KLF7: variants seen among roughly 807,000 people sequenced by gnomAD.
KLF7 encodes the protein Krueppel-like factor 7.
In KLF7, 2 loss-of-function variants were observed where a neutral mutation model predicts 27.3. The ratio of observed to expected loss-of-function variants is 0.07; its 90% CI spans 0.03 to 0.23. The LOEUF is 0.23. KLF7 is among the 10% of genes least tolerant of loss of function. The probability of loss-of-function intolerance (pLI) is 1.00; values close to 1 mark genes in which losing one functional copy is unlikely to be tolerated. For synonymous variants in KLF7, 165 were observed against 162.4 expected (o/e 1.02, Z -0.12); for missense variants, 221 against 394.1 (o/e 0.56, Z 3.72).
chr2:207,080,423 C>T lies in KLF7; in HGVS notation c.*790G>A, dbSNP rs2076246811. The T allele has an allele frequency of 6.2e-6, 1 of 160,678 alleles. No homozygotes were observed. The highest frequency in any genetic ancestry group is 2.0e-4 in the South Asian group (1 of 4,898). 10.0% of individuals were successfully genotyped at this position (160,678 alleles called of 1,614,324 possible). On this transcript the variant is annotated 3_prime_UTR_variant, in exon 4 of 4. Coordinates refer to ENST00000309446, the MANE Select transcript of KLF7 (RefSeq NM_003709.4). ...AGTCATGCTAGAAGTTTCCAGAATC[C>T]CTAGTGCATATGGTGTGCAAAAGTC...
At chr2:207,143,987 T>C (rs2078020737) in intron 1 of KLF7, among the ~76,000 whole-genome samples, 1 of 152,108 alleles carries the variant, frequency 6.6e-6, no homozygotes, top group African/African-American at 2.4e-5. Context: ...CTTCGCTCTC[T>C]GCCTTGGTGG....
intron 1 of KLF7, among the ~76,000 whole-genome samples, 180 bp from the exon 2 acceptor site, chr2:207,124,584 T>C (rs932211252): frequency 1.3e-5 from 2 of 152,158 alleles, no homozygotes; most frequent in African/African-American, 4.8e-5. Flanking sequence ...GAAAGGTTCA[T>C]AAGGGTCACA....
chr2:207,166,222 C>A, upstream of KLF7: 1 of 979,850 alleles, frequency 1.0e-6, no homozygotes, highest in African/African-American at 1.7e-5. Context: ...CATGAAGTCA[C>A]TGAGGACCAA....
chr2:207,151,834 G>A lies in KLF7; in HGVS notation c.102+13633C>T, dbSNP rs565771463. ...AAAGTAATCGGAGATTGGAAAAATG[G>A]AGGAACACCCAGCAGCAAGTAATTT... On this transcript the variant is annotated intron_variant, in intron 1 of 3. Transcript: ENST00000309446. Among the ~76,000 whole-genome samples the A allele has an allele frequency of 3.9e-5, 6 of 152,038 alleles. No individual in the cohort carries two copies. The South Asian group carries it at 8.3e-4, about 21-fold the overall frequency.
upstream of KLF7, among the ~76,000 whole-genome samples, chr2:207,170,497 T>C (rs377292459): frequency 2.0e-5 from 3 of 152,320 alleles, no homozygotes; most frequent in East Asian, 5.8e-4. Flanking sequence ...CAGCCTTCCA[T>C]TGAAAGAAGA....
At position 207,156,166 on chromosome 2, in the gene KLF7, T is replaced by A. The variant is rs577848162; in HGVS notation, c.102+9301A>T. On this transcript the variant is annotated intron_variant, in intron 1 of 3. Coordinates refer to ENST00000309446, the MANE Select transcript of KLF7 (RefSeq NM_003709.4). Reference sequence around the variant, plus strand: ...CAAAGACAGTTTACAGATGAAAGGATGTAGCTACAGGACATACAATTTTGC... The same window carrying A: ...CAAAGACAGTTTACAGATGAAAGGAAGTAGCTACAGGACATACAATTTTGC... Among the ~76,000 whole-genome samples, 4 of 152,326 alleles carry A rather than the reference T, an allele frequency of 2.6e-5. No homozygotes were observed. The East Asian group carries it at 7.7e-4, about 29-fold the overall frequency.
intron 2 of KLF7, among the ~76,000 whole-genome samples, chr2:207,096,145 G>A (rs2076623119): frequency 6.6e-6 from 1 of 152,106 alleles, no homozygotes; most frequent in African/African-American, 2.4e-5. Context: ...ACTCTCCCAG[G>A]CTCAAAATCT....
chr2:207,091,992 TGAGA>T (rs35773481), intron 2 of KLF7, among the ~76,000 whole-genome samples: 2 of 152,174 alleles, frequency 1.3e-5, no homozygotes, highest in South Asian at 2.1e-4. Context: ...GCTTTCTTTA[TGAGA>T]GAGAGGAAAA....
rs78265850 is a variant in KLF7, at chr2:207,163,518, G to A, written c.102+1949C>T. On this transcript the variant is annotated intron_variant, in intron 1 of 3. Coordinates refer to ENST00000309446, the MANE Select transcript of KLF7 (RefSeq NM_003709.4). ...CCGATGATGTTTCTTTGCAGATCTA[G>A]AGTTTGTCCTGGATGGTCTAGCCAG... Among the ~76,000 whole-genome samples, 82 of 152,322 alleles carry A rather than the reference G, an allele frequency of 5.4e-4. No individual in the cohort carries two copies. In the East Asian group the frequency reaches 0.015, roughly 29 times the overall value.
intron 3 of KLF7, among the ~76,000 whole-genome samples, chr2:207,084,293 C>T (rs918175555): frequency 6.6e-5 from 10 of 152,158 alleles, no homozygotes; most frequent in Admixed American, 3.3e-4. Flanking sequence ...TGGGAACTCT[C>T]GGGAAATGAG....
chr2:207,083,472 CACTACCAGATGAA>C (rs1269550633), intron 3 of KLF7, among the ~76,000 whole-genome samples: 6 of 152,158 alleles, frequency 3.9e-5, no homozygotes, highest in Non-Finnish European at 7.3e-5. Context: ...TTCTTATTCC[CACTACCAGATGAA>C]ACATTCATCA....
At chr2:207,132,780 G>A (rs2269074) in intron 1 of KLF7, among the ~76,000 whole-genome samples, 1 of 152,128 alleles carries the variant, frequency 6.6e-6, no homozygotes, top group African/African-American at 2.4e-5. Flanking sequence ...GCCTCACACC[G>A]CTTGAAGGAA....
intron 2 of KLF7, among the ~76,000 whole-genome samples, chr2:207,094,537 G>A (rs1422820074): frequency 2.0e-5 from 3 of 152,182 alleles, no homozygotes; most frequent in Non-Finnish European, 2.9e-5. Flanking sequence ...AATCAGCAAA[G>A]ACCCATCAAT....
chr2:207,097,822 A>G (rs1372118697), intron 2 of KLF7, among the ~76,000 whole-genome samples: 1 of 152,224 alleles, frequency 6.6e-6, no homozygotes, highest in East Asian at 1.9e-4. Flanking sequence ...CATGTTTCTC[A>G]TAACCCAAGG....
At chr2:207,113,032 C>T (rs1330937612) in intron 2 of KLF7, among the ~76,000 whole-genome samples, 12 of 152,154 alleles carry the variant, frequency 7.9e-5, no homozygotes, top group Admixed American at 7.9e-4. Context: ...ATAAAACAAT[C>T]GGGAAAATCC....
rs1261185930 is a variant in KLF7 at position 207,077,852 on chromosome 2, T to C, written c.*3361A>G. On this transcript the variant is annotated 3_prime_UTR_variant, in exon 4 of 4. Coordinates refer to ENST00000309446, the MANE Select transcript of KLF7 (RefSeq NM_003709.4). ...TTTCTACATGAACAAATCTGAACCCTGGATAAAAGCGTGCTTGTTAGGACA... is the reference window on the plus strand; with the variant it reads ...TTTCTACATGAACAAATCTGAACCCCGGATAAAAGCGTGCTTGTTAGGACA... The C allele has an allele frequency of 6.6e-6, 1 of 152,110 alleles. No individual in the cohort carries two copies. The highest frequency in any genetic ancestry group is 1.5e-5 in the Non-Finnish European group (1 of 68,020). The allele number at this position is 152,110 out of a possible 1,614,324, so 9.4% of individuals were successfully genotyped here.
chr2:207,098,831 G>A (rs1165782344), intron 2 of KLF7, among the ~76,000 whole-genome samples: 1 of 137,162 alleles, frequency 7.3e-6, no homozygotes, highest in African/African-American at 2.9e-5. Context: ...TGCTGCACAG[G>A]CCGGTCTTGA....
chr2:207,095,461 C>G (rs2076608033), intron 2 of KLF7, among the ~76,000 whole-genome samples: 1 of 152,146 alleles, frequency 6.6e-6, no homozygotes, highest in Non-Finnish European at 1.5e-5. Flanking sequence ...AAACCATATC[C>G]TCAATGAGGT....
intron 1 of KLF7, among the ~76,000 whole-genome samples, chr2:207,144,874 CT>C (rs1406233635): frequency 1.3e-5 from 2 of 152,208 alleles, no homozygotes; most frequent in Non-Finnish European, 2.9e-5. Flanking sequence ...TAAGTACCCC[CT>C]GTTGCACATC....
Sources: allele counts gnomAD v4.1 joint callset (sites outside exome capture counted in the v4.1 genomes callset), GRCh38; gene constraint gnomAD v4.1.1; transcripts MANE v1.5; gene names NCBI Gene and HGNC (gene_info 2026-07-23, HGNC 2026-07-21).